BRINP1: variants seen among roughly 807,000 people sequenced by gnomAD.
BRINP1 encodes the protein BMP/retinoic acid-inducible neural-specific protein 1.
BRINP1 carries 17 observed loss-of-function variants against 72.9 expected under a neutral mutation model. That is an observed-to-expected ratio of 0.23 (90% confidence interval 0.16 to 0.35). The LOEUF is 0.35. Among genes scored for constraint, BRINP1 ranks in the 10% least tolerant of loss-of-function variants. The probability of loss-of-function intolerance (pLI) is 1.00; values close to 1 mark genes in which losing one functional copy is unlikely to be tolerated. For synonymous variants in BRINP1, 418 were observed against 378.5 expected, an observed-to-expected ratio of 1.10 and a Z score of -1.21; for missense variants, 850 against 1,001.6, an observed-to-expected ratio of 0.85 and a Z score of 2.04.
At chr9:119,275,610 T>C (rs539115765) in intron 2 of BRINP1, among the ~76,000 whole-genome samples, 2 of 152,152 alleles carry the variant, frequency 1.3e-5, no homozygotes, top group African/African-American at 4.8e-5. Flanking sequence ...ATGCAACATA[T>C]TGGATGCTTG....
intron 5 of BRINP1, among the ~76,000 whole-genome samples, chr9:119,221,280 T>C (rs550946982): frequency 1.1e-4 from 17 of 152,210 alleles, no homozygotes; most frequent in African/African-American, 4.1e-4. Context: ...CAGCAAGGAC[T>C]GCACCTTTTG....
Position 119,167,108 on chromosome 9 carries a change from G to C in BRINP1, c.2262C>G (p.Asp754Glu). 1 of 1,609,128 alleles carries C rather than the reference G, an allele frequency of 6.2e-7. No individual in the cohort carries two copies. Among genetic ancestry groups the C allele is most frequent in the Non-Finnish European group, 8.5e-7 (1 of 1,176,798 alleles). Residue 754 changes from aspartate to glutamate, a missense_variant, in exon 8 of 8, where the codon GAC becomes GAG. By Grantham distance (45) the Asp-to-Glu change is conservative. Transcript: ENST00000265922. This position sits in a 1 kb window ranked among gnomAD's most constrained non-coding sequence, Gnocchi z 4.3. ...LYNTEILKQS[D>E]QMTAKLC is the part of the protein sequence containing the mutation. ...GTTAGCAGAGTTTGGCTGTCATCTG[G>C]TCCGACTGTTTGAGGATCTCCGTGT...
intron 5 of BRINP1, among the ~76,000 whole-genome samples, chr9:119,229,287 G>T (rs1830124880): frequency 1.3e-5 from 2 of 152,080 alleles, no homozygotes; most frequent in Non-Finnish European, 2.9e-5. Context: ...GTAACACATT[G>T]ATAGAGGTGG....
rs368386227 is a variant in BRINP1, at chr9:119,200,721, G to A, written c.1145+7998C>T. ...GAACTTGGGTTCAATTGGAAAATTAGAATGAGAAGGAAGCATATAAAATAA... is the reference window on the plus strand; with the variant it reads ...GAACTTGGGTTCAATTGGAAAATTAAAATGAGAAGGAAGCATATAAAATAA... On this transcript the variant is annotated intron_variant, in intron 7 of 7. Coordinates refer to ENST00000265922, the MANE Select transcript of BRINP1 (RefSeq NM_014618.3). Among the ~76,000 whole-genome samples the A allele has an allele frequency of 7.9e-5, 12 of 151,338 alleles. No homozygotes were observed. In the South Asian group the frequency reaches 1.3e-3, roughly 16 times the overall value.
intron 2 of BRINP1, among the ~76,000 whole-genome samples, chr9:119,294,218 A>G (rs1186151946): frequency 6.6e-6 from 1 of 152,236 alleles, no homozygotes; most frequent in African/African-American, 2.4e-5. Context: ...AGTAAAAGAC[A>G]TATATTCTGA....
In BRINP1 at chr9:119,270,362, T is replaced by C. The variant is rs558290474; in HGVS notation, c.219-21212A>G. 1.1e-4 allele frequency among the ~76,000 whole-genome samples: 16 copies of C among 152,144 alleles called. No individual in the cohort carries two copies. The South Asian group carries it at 2.9e-3, about 28-fold the overall frequency. ...TACAAAGATCACCCCGTGTTGAGAG[T>C]TGAACGTGGACAGGCACGCTTAAAA... On this transcript the variant is annotated intron_variant, in intron 2 of 7. Coordinates refer to ENST00000265922, the MANE Select transcript of BRINP1 (RefSeq NM_014618.3).
At chr9:119,362,795 T>G (rs962119576) in intron 1 of BRINP1, among the ~76,000 whole-genome samples, 2 of 152,208 alleles carry the variant, frequency 1.3e-5, no homozygotes, top group Non-Finnish European at 2.9e-5. Flanking sequence ...ATGAGAAAAC[T>G]TGTAGAAATT....
chr9:119,269,837 T>G (rs181509225), intron 2 of BRINP1, among the ~76,000 whole-genome samples: 52 of 135,138 alleles, frequency 3.8e-4, no homozygotes, highest in Admixed American at 1.3e-3. Context: ...TAGACACTAT[T>G]CTAAACACTT....
At chr9:119,223,308 A>G (rs1318445744) in intron 5 of BRINP1, among the ~76,000 whole-genome samples, 1 of 152,132 alleles carries the variant, frequency 6.6e-6, no homozygotes. Context: ...ATTTGGCTGT[A>G]TGTAAATTAT....
intron 1 of BRINP1, among the ~76,000 whole-genome samples, chr9:119,318,454 A>G (rs951164481): frequency 6.6e-6 from 1 of 152,188 alleles, no homozygotes; most frequent in African/African-American, 2.4e-5. Context: ...TGCAAGTCTC[A>G]GTTGTCAGGG....
At chr9:119,247,417 C>A (rs182627085) in intron 3 of BRINP1, among the ~76,000 whole-genome samples, 4 of 151,950 alleles carry the variant, frequency 2.6e-5, no homozygotes, top group African/African-American at 9.7e-5. Flanking sequence ...CTCTGGGAGG[C>A]CAAGACGGGC....
chr9:119,214,246 G>T, intron 5 of BRINP1, 91 bp from the exon 6 acceptor site: 1 of 920,092 alleles, frequency 1.1e-6, no homozygotes, highest in Non-Finnish European at 1.7e-6. Context: ...GGAATCTGAA[G>T]CTGCTACATT....
chr9:119,278,304 T>A (rs1275942572), intron 2 of BRINP1, among the ~76,000 whole-genome samples: 1 of 151,956 alleles, frequency 6.6e-6, no homozygotes, highest in Non-Finnish European at 1.5e-5. Context: ...CTGAGGGCAC[T>A]GGCTGCGTTT....
intron 7 of BRINP1, among the ~76,000 whole-genome samples, chr9:119,191,445 A>G (rs1281708043): frequency 1.3e-5 from 2 of 151,916 alleles, no homozygotes; most frequent in Non-Finnish European, 2.9e-5. Context: ...GTTGAATTAT[A>G]CAAAATTAAG....
At chr9:119,209,821 T>C (rs1829903338) in intron 6 of BRINP1, among the ~76,000 whole-genome samples, 1 of 152,238 alleles carries the variant, frequency 6.6e-6, no homozygotes, top group South Asian at 2.1e-4. Flanking sequence ...TGATGTAATC[T>C]GCAGGTTCCA....
chr9:119,329,055 T>C (rs1037293422), intron 1 of BRINP1, among the ~76,000 whole-genome samples: 5 of 152,138 alleles, frequency 3.3e-5, no homozygotes, highest in Non-Finnish European at 7.3e-5. Flanking sequence ...GAGGCAGAAA[T>C]AGATGCCAAA....
At chr9:119,367,746 C>T (rs760918084) in intron 1 of BRINP1, among the ~76,000 whole-genome samples, 37 of 152,194 alleles carry the variant, frequency 2.4e-4, no homozygotes, top group Non-Finnish European at 4.1e-4. Flanking sequence ...TCAATTACTG[C>T]CACATTCTGT....
intron 7 of BRINP1, among the ~76,000 whole-genome samples, chr9:119,201,693 C>A (rs1170656125): frequency 2.6e-5 from 4 of 152,218 alleles, no homozygotes; most frequent in South Asian, 2.1e-4. Flanking sequence ...GAAACAATGT[C>A]TTTTTAGCAC....
intron 4 of BRINP1, among the ~76,000 whole-genome samples, chr9:119,240,075 C>T (rs185042759): frequency 2.6e-5 from 4 of 152,126 alleles, no homozygotes; most frequent in African/African-American, 9.6e-5. Context: ...TTGAGACCAT[C>T]CTGGCCAACA....
Sources: gnomAD v4.1 joint callset for allele counts (sites outside exome capture counted in the v4.1 genomes callset) on GRCh38, gnomAD v4.1.1 for gene constraint, Gnocchi (gnomAD v3.1) non-coding constraint, MANE v1.5 for transcripts, NCBI Gene and HGNC (gene_info 2026-07-23, HGNC 2026-07-21) for gene names.